The following ICA1 variants were observed in gnomAD, a reference collection of about 807,000 sequenced individuals.
ICA1 encodes the protein islet cell autoantigen 1.
ICA1 carries 40 observed loss-of-function variants against 71.0 expected under a neutral mutation model. The ratio of observed to expected loss-of-function variants is 0.56; its 90% CI spans 0.44 to 0.73. ICA1 has a LOEUF of 0.73. ICA1 is among the 30% of genes least tolerant of loss of function. The pLI is 0.00. For synonymous variants in ICA1, 207 were observed against 209.5 expected (o/e 0.99, Z 0.10); for missense variants, 578 against 576.5 (o/e 1.00, Z -0.03).
chr7:8,192,863 G>T (rs987366792), intron 6 of ICA1, among the ~76,000 whole-genome samples: 2 of 152,152 alleles, frequency 1.3e-5, no homozygotes, highest in Non-Finnish European at 2.9e-5. Context: ...CATATTTGGC[G>T]AATGGGAGCC....
intron 6 of ICA1, among the ~76,000 whole-genome samples, chr7:8,186,757 A>T (rs533479654): frequency 6.6e-6 from 1 of 152,332 alleles, no homozygotes; most frequent in African/African-American, 2.4e-5. Context: ...TAATGTACTC[A>T]ATTTGATGGG....
chr7:8,242,274 CACA>C (rs1230965656), intron 1 of ICA1, among the ~76,000 whole-genome samples: 1 of 152,168 alleles, frequency 6.6e-6, no homozygotes, highest in Admixed American at 6.5e-5. Flanking sequence ...CTCAAAATGA[CACA>C]ACTACATGCA....
At chr7:8,149,359 A>G (rs1237308040) in intron 8 of ICA1, among the ~76,000 whole-genome samples, 1 of 152,230 alleles carries the variant, frequency 6.6e-6, no homozygotes, top group African/African-American at 2.4e-5. Flanking sequence ...TTTTAGACTA[A>G]GAAACTTTTC....
intron 6 of ICA1, among the ~76,000 whole-genome samples, chr7:8,181,831 C>T (rs1782277096): frequency 6.6e-6 from 1 of 152,082 alleles, no homozygotes; most frequent in South Asian, 2.1e-4. Flanking sequence ...AATCCAAATG[C>T]AAAATGAATA....
rs1033824454 is a variant in ICA1, at chr7:8,218,588, G to A, written c.381-85C>T. 3 of 1,087,524 alleles carry A rather than the reference G, an allele frequency of 2.8e-6. No individual in the cohort carries two copies. In the African/African-American group the frequency reaches 4.6e-5, roughly 17 times the overall value. The allele number at this position is 1,087,524 out of a possible 1,614,324, so 67.4% of individuals were successfully genotyped here. A position where few individuals can be genotyped will look rare whatever the true frequency, so the allele number is the denominator to read the frequency against. ...GACATTCTGCCAATCTTAGACTCGT[G>A]AGTCTAGAACAGTACCTGGAATGTA... On this transcript the variant is annotated intron_variant, in intron 5 of 13. Coordinates refer to ENST00000402384, the MANE Select transcript of ICA1 (RefSeq NM_001136020.3).
chr7:8,185,674 C>G (rs761726325), intron 6 of ICA1, among the ~76,000 whole-genome samples: 1 of 152,134 alleles, frequency 6.6e-6, no homozygotes, highest in Non-Finnish European at 1.5e-5. Context: ...AATTTGGGCT[C>G]GAATGTTTCT....
At chr7:8,238,325 T>C (rs1035950099) in intron 1 of ICA1, among the ~76,000 whole-genome samples, 1 of 152,238 alleles carries the variant, frequency 6.6e-6, no homozygotes, top group Non-Finnish European at 1.5e-5. Flanking sequence ...TTAAAAATAA[T>C]AGCCATCCGA....
At chr7:8,127,040 T>G (rs1443333261) in intron 13 of ICA1, among the ~76,000 whole-genome samples, 1 of 151,842 alleles carries the variant, frequency 6.6e-6, no homozygotes, top group Non-Finnish European at 1.5e-5. Context: ...AGTGGCACAA[T>G]CTTGGCTCAC....
intron 6 of ICA1, among the ~76,000 whole-genome samples, chr7:8,174,650 C>A (rs1779924178): frequency 1.3e-5 from 2 of 150,644 alleles, no homozygotes; most frequent in African/African-American, 4.9e-5. Flanking sequence ...AAAAAATCAG[C>A]TGGGTGTGGT....
intron 13 of ICA1, among the ~76,000 whole-genome samples, chr7:8,114,709 G>A (rs924118338): frequency 6.6e-6 from 1 of 152,184 alleles, no homozygotes; most frequent in Non-Finnish European, 1.5e-5. Flanking sequence ...TGAATACCAC[G>A]ATTATACAGC....
At position 8,143,924 on chromosome 7, in the gene ICA1, T is replaced by C; in HGVS notation, c.853A>G (p.Lys285Glu). 10 of 1,612,916 alleles carry C rather than the reference T, an allele frequency of 6.2e-6. No individual in the cohort carries two copies. The highest frequency in any genetic ancestry group is 7.6e-6 in the Non-Finnish European group (9 of 1,178,984). ...KKLVEKEEKK[K>E]INQQESTDAA... Reference sequence around the variant, plus strand: ...TCTGTACTTTCCTGCTGGTTGATTTTCTTCTTCTCTTCTTTCTCAACTAAT... The same window carrying C: ...TCTGTACTTTCCTGCTGGTTGATTTCCTTCTTCTCTTCTTTCTCAACTAAT... The change falls in exon 9 of 14, where the codon AAA becomes GAA. Residue 285 changes from lysine to glutamate, a missense_variant. Transcript: ENST00000402384.
At chr7:8,201,535 C>G (rs1406013020) in intron 6 of ICA1, among the ~76,000 whole-genome samples, 1 of 152,180 alleles carries the variant, frequency 6.6e-6, no homozygotes, top group Non-Finnish European at 1.5e-5. Flanking sequence ...TGAGCTGCCC[C>G]ACCGCCTGTT....
chr7:8,156,713 G>C lies in ICA1; in HGVS notation c.804+403C>G. 4 of 961,612 alleles carry C rather than the reference G, an allele frequency of 4.2e-6. No homozygotes were observed. In the South Asian group the frequency reaches 7.0e-5, roughly 17 times the overall value. 59.6% of individuals were successfully genotyped at this position (961,612 alleles called of 1,614,324 possible). On this transcript the variant is annotated intron_variant, in intron 8 of 13. Transcript: ENST00000402384. The stretch of plus-strand genomic sequence containing the variant: ...GAAAGGAGGACACCTTCTCAAGTGA[G>C]GATATTTGAATATAATAATTAAAAG...
chr7:8,142,994 C>T (rs1291209204), intron 9 of ICA1, among the ~76,000 whole-genome samples: 1 of 152,216 alleles, frequency 6.6e-6, no homozygotes, highest in Non-Finnish European at 1.5e-5. Context: ...AAAAATATAT[C>T]TGAAAGTCGA....
intron 1 of ICA1, among the ~76,000 whole-genome samples, chr7:8,242,057 C>T (rs1394628550): frequency 6.6e-6 from 1 of 152,166 alleles, no homozygotes; most frequent in East Asian, 1.9e-4. Context: ...AGCTCTGCAC[C>T]AAGCAGACCT....
At chr7:8,204,581 GA>G (rs1413826413) in intron 6 of ICA1, among the ~76,000 whole-genome samples, 1 of 152,158 alleles carries the variant, frequency 6.6e-6, no homozygotes, top group African/African-American at 2.4e-5. Context: ...TCTAGGCTGG[GA>G]AAAAATTCAA....
rs1374429480 is a variant in ICA1 at position 8,223,963 on chromosome 7, C to T, written c.257-2565G>A. On this transcript the variant is annotated intron_variant, in intron 4 of 13. Transcript: ENST00000402384. This position sits in a 1 kb window ranked among gnomAD's most constrained non-coding sequence, Gnocchi z 4.1. ...AGCTGGACAGCATTAACTCACTCAG[C>T]ACAGATTTATGGATGATCCAACACA... Among the ~76,000 whole-genome samples, 1 of 152,096 alleles carries T rather than the reference C, an allele frequency of 6.6e-6. No individual in the cohort carries two copies. Among genetic ancestry groups the T allele is most frequent in the Non-Finnish European group, 1.5e-5 (1 of 68,030 alleles).
intron 8 of ICA1, among the ~76,000 whole-genome samples, chr7:8,156,103 T>C (rs973436065): frequency 4.6e-5 from 7 of 152,152 alleles, no homozygotes; most frequent in Non-Finnish European, 1.0e-4. Context: ...TGGAGCCAGG[T>C]CAGGTGCAGC....
intron 12 of ICA1, among the ~76,000 whole-genome samples, chr7:8,137,798 G>T (rs980531651): frequency 1.3e-5 from 2 of 152,222 alleles, no homozygotes; most frequent in African/African-American, 4.8e-5. Flanking sequence ...TGCTAGAGGT[G>T]CGGTGCCTTT....
Sources: gnomAD v4.1 joint callset for allele counts (sites outside exome capture counted in the v4.1 genomes callset) on GRCh38, gnomAD v4.1.1 for gene constraint, Gnocchi (gnomAD v3.1) non-coding constraint, MANE v1.5 for transcripts, NCBI Gene and HGNC (gene_info 2026-07-23, HGNC 2026-07-21) for gene names.